The following CAPS2 variants were observed in gnomAD, a reference collection of about 807,000 sequenced individuals.
CAPS2 encodes calcyphosine 2.
A neutral mutation model predicts 86.5 loss-of-function variants in CAPS2; 98 were observed. The observed-to-expected ratio is 1.13, with a 90% CI of 0.96 to 1.34. The LOEUF is 1.34. Among genes scored for constraint, CAPS2 ranks in the 40% most tolerant of loss-of-function variants. CAPS2 has a pLI of 0.00. For synonymous variants in CAPS2, 210 were observed against 225.1 expected (o/e 0.93, Z 0.60); for missense variants, 729 against 686.8 (o/e 1.06, Z -0.69).
intron 2 of CAPS2, 88 bp downstream of exon 3, chr12:75,325,151 T>C (rs2040644794): frequency 1.6e-6 from 2 of 1,249,594 alleles, no homozygotes; most frequent in Admixed American, 2.8e-5. Context: ...CATAGCTACA[T>C]TTATAATTTT....
At chr12:75,298,804 T>A (rs558788892) in intron 10 of CAPS2, 24 bp from the exon 11 acceptor site, 8 of 1,594,954 alleles carry the variant, frequency 5.0e-6, no homozygotes, top group South Asian at 2.2e-5. Flanking sequence ...GAAAAAAAAA[T>A]GGAAAGTTAT....
chr12:75,339,682 A>G (rs942644224), intron 1 of CAPS2, among the ~76,000 whole-genome samples: 10 of 152,074 alleles, frequency 6.6e-5, no homozygotes, highest in African/African-American at 2.4e-4. Context: ...CCTGAATGGT[A>G]TTGCCTAGAT....
chr12:75,372,892 G>T (rs1239856785), intron 1 of CAPS2, among the ~76,000 whole-genome samples: 1 of 152,184 alleles, frequency 6.6e-6, no homozygotes. Context: ...CAATTATGGT[G>T]GATAAGACAT....
intron 15 of CAPS2, among the ~76,000 whole-genome samples, chr12:75,284,691 A>G (rs1316153429): frequency 6.6e-6 from 1 of 152,122 alleles, no homozygotes; most frequent in East Asian, 1.9e-4. Context: ...TTATGGAGGC[A>G]ACAACTTATG....
chr12:75,313,335 AG>A (rs1354992552), intron 6 of CAPS2, among the ~76,000 whole-genome samples: 1 of 152,232 alleles, frequency 6.6e-6, no homozygotes, highest in African/African-American at 2.4e-5. Flanking sequence ...CACTATTCAT[AG>A]CAAAAGAAGG....
chr12:75,293,527 A>G (rs1251330217), intron 11 of CAPS2, among the ~76,000 whole-genome samples, 160 bp from the exon 12 acceptor site: 1 of 152,248 alleles, frequency 6.6e-6, no homozygotes, highest in Non-Finnish European at 1.5e-5. Context: ...TGGAGAAACT[A>G]TATAGATAAA....
intron 1 of CAPS2, among the ~76,000 whole-genome samples, chr12:75,374,386 G>T (rs915847451): frequency 1.3e-5 from 2 of 152,150 alleles, no homozygotes; most frequent in African/African-American, 4.8e-5. Context: ...CCTTTTTCTT[G>T]GTTGTAGGAG....
chr12:75,363,117 T>G, intron 1 of CAPS2: 1 of 1,554,436 alleles, frequency 6.4e-7, no homozygotes, highest in Non-Finnish European at 8.7e-7. Context: ...ATTTTGCAAA[T>G]ATGCCTCCTT....
At chr12:75,373,860 C>G (rs1164312081) in intron 1 of CAPS2, 1 of 152,168 alleles carries the variant, frequency 6.6e-6, no homozygotes, top group African/African-American at 2.4e-5. Flanking sequence ...TGCGCCCCAT[C>G]ATGTATATAC....
At chr12:75,286,630 G>A (rs576567274) in intron 14 of CAPS2, among the ~76,000 whole-genome samples, 2 of 151,736 alleles carry the variant, frequency 1.3e-5, no homozygotes, top group Non-Finnish European at 2.9e-5. Flanking sequence ...TATAAATTAG[G>A]CTTTTTAGGG....
At chr12:75,322,588 G>C (rs189109522) in intron 4 of CAPS2, among the ~76,000 whole-genome samples, 105 of 152,278 alleles carry the variant, frequency 6.9e-4, no homozygotes, top group Admixed American at 1.2e-3. Context: ...AGATATGTTT[G>C]AAGCATAAAC....
chr12:75,342,267 A>C (rs1210076230), intron 1 of CAPS2, among the ~76,000 whole-genome samples: 1 of 152,194 alleles, frequency 6.6e-6, no homozygotes, highest in African/African-American at 2.4e-5. Flanking sequence ...ATATACAAAA[A>C]TAAATGCATG....
chr12:75,360,221 C>G (rs1262610655), intron 1 of CAPS2: 1 of 152,120 alleles, frequency 6.6e-6, no homozygotes, highest in East Asian at 1.9e-4. Context: ...TATCATTCTG[C>G]CCCAGCCCAT....
chr12:75,346,549 C>T (rs183694544), intron 1 of CAPS2, among the ~76,000 whole-genome samples: 6 of 152,262 alleles, frequency 3.9e-5, no homozygotes, highest in Admixed American at 3.9e-4. Flanking sequence ...TGCCACCACG[C>T]TCAGCTAGTT....
upstream of CAPS2, chr12:75,334,677 C>A (rs1248615550): frequency 3.8e-6 from 6 of 1,576,080 alleles, no homozygotes; most frequent in Middle Eastern, 1.7e-4. Context: ...GTTGCCCCAG[C>A]CGTTACTGGT....
chr12:75,366,802 A>T, intron 1 of CAPS2: 1 of 694,484 alleles, frequency 1.4e-6, no homozygotes, highest in South Asian at 1.5e-5. Flanking sequence ...GAGGTCTATC[A>T]CCTCTGAGAG....
chr12:75,359,355 G>GTT (rs1463566931), intron 1 of CAPS2, among the ~76,000 whole-genome samples: 9 of 46,428 alleles, frequency 1.9e-4, no homozygotes, highest in Non-Finnish European at 3.4e-4. Context: ...CAGCATTGTT[G>GTT]TCTTTTTTTT....
At chr12:75,343,626 C>A in intron 1 of CAPS2, 2 of 1,224,792 alleles carry the variant, frequency 1.6e-6, no homozygotes. Context: ...TAGTTGATTA[C>A]AATAATTAGA....
intron 7 of CAPS2, among the ~76,000 whole-genome samples, chr12:75,309,940 A>G (rs1475056891): frequency 6.6e-6 from 1 of 152,238 alleles, no homozygotes; most frequent in Non-Finnish European, 1.5e-5. Context: ...AAATCAAGAC[A>G]TAGAGAAGGA....
Sources: allele counts gnomAD v4.1 joint callset (sites outside exome capture counted in the v4.1 genomes callset), GRCh38; gene constraint gnomAD v4.1.1; transcripts MANE v1.5; gene names NCBI Gene and HGNC (gene_info 2026-07-23, HGNC 2026-07-21).